Variants in PRKCB observed in about 807,000 individuals in gnomAD.
The protein encoded by PRKCB is protein kinase C beta type.
PRKCB carries 13 observed loss-of-function variants against 81.5 expected under a neutral mutation model. The observed-to-expected ratio is 0.16, with a 90% CI of 0.10 to 0.25. The LOEUF is 0.25. PRKCB is among the 10% of genes least tolerant of loss of function. The pLI is 1.00. For synonymous variants in PRKCB, 335 were observed against 321.4 expected, an observed-to-expected ratio of 1.04 and a Z score of -0.45; for missense variants, 509 against 875.7, an observed-to-expected ratio of 0.58 and a Z score of 5.29.
chr16:24,210,919 C>A (rs946218181), intron 16 of PRKCB, among the ~76,000 whole-genome samples: 6 of 152,324 alleles, frequency 3.9e-5, no homozygotes, highest in Non-Finnish European at 8.8e-5. Context: ...TTCCATGAAG[C>A]ATGGATTTTG....
intron 2 of PRKCB, among the ~76,000 whole-genome samples, chr16:23,857,369 G>T (rs529457709): frequency 6.6e-6 from 1 of 152,288 alleles, no homozygotes; most frequent in South Asian, 2.1e-4. Context: ...GAGGGAGGGA[G>T]GAGGAGGTGT....
chr16:24,066,075 C>CTGTGTGTGTGTGTGTGTGTG (rs58216806), intron 5 of PRKCB, among the ~76,000 whole-genome samples: 2 of 139,580 alleles, frequency 1.4e-5, no homozygotes, highest in Admixed American at 7.1e-5. Flanking sequence ...TGTGATGTTC[C>CTGTGTGTGTGTGTGTGTGTG]TGTGTGTGTG....
intron 2 of PRKCB, among the ~76,000 whole-genome samples, chr16:23,882,313 G>A (rs575748386): frequency 2.0e-3 from 306 of 150,946 alleles, no homozygotes; most frequent in African/African-American, 7.1e-3. Flanking sequence ...CAAACTCCTG[G>A]CCTCAAGAGA....
At chr16:24,144,986 G>T (rs775282280) in intron 9 of PRKCB, among the ~76,000 whole-genome samples, 2 of 152,172 alleles carry the variant, frequency 1.3e-5, no homozygotes, top group Admixed American at 6.5e-5. Flanking sequence ...TGTGGTAAGT[G>T]CTGTCAAGAA....
At chr16:23,873,732 G>A (rs1447108180) in intron 2 of PRKCB, among the ~76,000 whole-genome samples, 4 of 152,224 alleles carry the variant, frequency 2.6e-5, no homozygotes, top group African/African-American at 9.6e-5. Context: ...GCAGGTGAGA[G>A]GAGCAGTTTC....
intron 5 of PRKCB, among the ~76,000 whole-genome samples, chr16:24,041,999 A>AG (rs60636904): frequency 0.21 from 30,798 of 149,900 alleles, 3,623 homozygotes; most frequent in South Asian, 0.38. Flanking sequence ...AAAAAAAAAA[A>AG]AAGAATTGGG....
At chr16:24,123,277 T>C (rs1038462648) in intron 8 of PRKCB, among the ~76,000 whole-genome samples, 7 of 151,902 alleles carry the variant, frequency 4.6e-5, no homozygotes, top group Non-Finnish European at 1.0e-4. Context: ...GGCCCTGTGG[T>C]TGGAGGGGCC....
At chr16:23,970,726 C>T (rs1342465250) in intron 2 of PRKCB, among the ~76,000 whole-genome samples, 1 of 152,200 alleles carries the variant, frequency 6.6e-6, no homozygotes, top group Non-Finnish European at 1.5e-5. Context: ...TACAGGGCCC[C>T]TGGGGCTCAA....
At chr16:24,000,696 G>T (rs1965021955) in intron 3 of PRKCB, among the ~76,000 whole-genome samples, 1 of 152,146 alleles carries the variant, frequency 6.6e-6, no homozygotes, top group African/African-American at 2.4e-5. Flanking sequence ...CATTTCCATT[G>T]CTCCACCTAG....
chr16:24,146,196 A>G (rs1167953059), intron 9 of PRKCB, among the ~76,000 whole-genome samples: 2 of 152,104 alleles, frequency 1.3e-5, no homozygotes, highest in Admixed American at 6.6e-5. Flanking sequence ...GAAGGAACCA[A>G]CCCTGCCAGC....
At chr16:24,176,931 T>C (rs1407661704) in intron 12 of PRKCB, among the ~76,000 whole-genome samples, 5 of 151,416 alleles carry the variant, frequency 3.3e-5, no homozygotes, top group Admixed American at 3.3e-4. Flanking sequence ...ATCCGCCATA[T>C]GACATGATCC....
chr16:23,998,404 C>T (rs978577191), intron 3 of PRKCB, among the ~76,000 whole-genome samples: 3 of 152,130 alleles, frequency 2.0e-5, no homozygotes, highest in African/African-American at 7.2e-5. Flanking sequence ...ATTGTGCCTA[C>T]ACCGTAGATG....
intron 2 of PRKCB, among the ~76,000 whole-genome samples, chr16:23,895,357 C>A (rs948538277): frequency 1.3e-5 from 2 of 151,960 alleles, no homozygotes; most frequent in Non-Finnish European, 2.9e-5. Flanking sequence ...TAAATTTATT[C>A]TTCAGTTCAA....
intron 3 of PRKCB, among the ~76,000 whole-genome samples, chr16:24,030,816 T>G (rs765642035): frequency 6.6e-6 from 1 of 151,808 alleles, no homozygotes; most frequent in Non-Finnish European, 1.5e-5. Context: ...AAGAATCACT[T>G]GAACCCAGGA....
At chr16:23,887,823 G>C (rs1486859742) in intron 2 of PRKCB, among the ~76,000 whole-genome samples, 1 of 110,230 alleles carries the variant, frequency 9.1e-6, no homozygotes, top group South Asian at 2.7e-4. Context: ...AACAGTGTAA[G>C]AGCGTCCTTT....
At chr16:24,143,706 C>G (rs1167326447) in intron 9 of PRKCB, among the ~76,000 whole-genome samples, 1 of 152,194 alleles carries the variant, frequency 6.6e-6, no homozygotes, top group Non-Finnish European at 1.5e-5. Context: ...AGAAGACTCA[C>G]TTGTTTGTTT....
intron 3 of PRKCB, among the ~76,000 whole-genome samples, chr16:24,022,502 T>TTTTG (rs954296420): frequency 2.0e-5 from 3 of 152,198 alleles, no homozygotes; most frequent in African/African-American, 7.2e-5. Flanking sequence ...TCTTTCTTTT[T>TTTTG]TTTGTTTGAG....
intron 2 of PRKCB, among the ~76,000 whole-genome samples, chr16:23,881,227 G>A (rs935971805): frequency 2.0e-5 from 3 of 149,326 alleles, no homozygotes; most frequent in Non-Finnish European, 4.4e-5. Context: ...AGGGCCCTGT[G>A]TTGACTCCTT....
intron 2 of PRKCB, among the ~76,000 whole-genome samples, chr16:23,940,623 T>C (rs911064165): frequency 1.2e-4 from 18 of 152,018 alleles, no homozygotes; most frequent in Non-Finnish European, 1.5e-5. Flanking sequence ...TTTAATCATA[T>C]ATATAGATCA....
Sources: gnomAD v4.1 joint callset for allele counts (sites outside exome capture counted in the v4.1 genomes callset) on GRCh38, gnomAD v4.1.1 for gene constraint, MANE v1.5 for transcripts, NCBI Gene and HGNC (gene_info 2026-07-23, HGNC 2026-07-21) for gene names.